ZFHX3: variants seen among roughly 807,000 people sequenced by gnomAD.
The protein encoded by ZFHX3 is zinc finger homeobox 3, also known as zinc finger homeobox protein 3.
In ZFHX3, 42 loss-of-function variants were observed where a neutral mutation model predicts 279.1. The ratio of observed to expected loss-of-function variants is 0.15; its 90% CI spans 0.12 to 0.19. The LOEUF is 0.19. Ranked by LOEUF, ZFHX3 falls within the 10% of genes least tolerant of loss-of-function variation. ZFHX3 has a pLI of 1.00. For missense variants in ZFHX3, 4,981 were observed against 4,754.0 expected, an observed-to-expected ratio of 1.05 and a Z score of -1.40; for synonymous variants, 2,293 against 1,957.8, an observed-to-expected ratio of 1.17 and a Z score of -4.52.
intron 2 of ZFHX3, among the ~76,000 whole-genome samples, chr16:73,520,703 T>G (rs1287272041): frequency 2.6e-5 from 4 of 152,208 alleles, no homozygotes; most frequent in African/African-American, 7.2e-5. Flanking sequence ...ATAAACCAAG[T>G]CACCTATGGT....
chr16:73,693,563 G>A (rs1428264447), intron 1 of ZFHX3, among the ~76,000 whole-genome samples: 1 of 151,916 alleles, frequency 6.6e-6, no homozygotes, highest in African/African-American at 2.4e-5. Context: ...CTTTCATGAA[G>A]GATAAGAGGA....
At chr16:73,739,009 C>G (rs2053631558) in intron 1 of ZFHX3, among the ~76,000 whole-genome samples, 1 of 152,172 alleles carries the variant, frequency 6.6e-6, no homozygotes, top group African/African-American at 2.4e-5. Flanking sequence ...ATCCATAACC[C>G]CTAGGCACCA....
At chr16:73,617,089 G>A (rs912833451) in intron 2 of ZFHX3, among the ~76,000 whole-genome samples, 1 of 152,200 alleles carries the variant, frequency 6.6e-6, no homozygotes, top group South Asian at 2.1e-4. Flanking sequence ...AGGTGCAGAT[G>A]AGTTCGTAAA....
Position 73,278,566 on chromosome 16 carries a change from G to C in ZFHX3, c.-1193-21430C>G, listed in dbSNP as rs548983160. On this transcript the variant is annotated intron_variant, in intron 4 of 17. Coordinates refer to the ZFHX3 transcript ENST00000641206. ...GAACAAAGCTTCCACACTGTGTAAG[G>C]GGACCTGAGCGAGTAGGAGGTGCTG... 5.9e-5 allele frequency among the ~76,000 whole-genome samples: 9 copies of C among 152,218 alleles called. No homozygotes were observed. The South Asian group carries it at 6.2e-4, about 11-fold the overall frequency.
intron 7 of ZFHX3, among the ~76,000 whole-genome samples, chr16:72,803,083 G>A (rs1276079752): frequency 2.0e-5 from 3 of 152,200 alleles, no homozygotes; most frequent in African/African-American, 4.8e-5. Flanking sequence ...TGTAATCCCA[G>A]CACTTTGGGA....
chr16:73,574,417 T>G (rs1048336812), intron 2 of ZFHX3, among the ~76,000 whole-genome samples: 15 of 152,162 alleles, frequency 9.9e-5, no homozygotes, highest in African/African-American at 3.6e-4. Flanking sequence ...TATACCTTAG[T>G]TTGGAAGCCT....
chr16:73,388,712 C>G (rs9937154), intron 3 of ZFHX3: 79,108 of 152,098 alleles, frequency 0.52, 23,020 homozygotes, highest in Non-Finnish European at 0.68. Flanking sequence ...GGCCCAACTT[C>G]CCTATTAGAA....
chr16:73,541,786 CTTTTTTTTTTTTTTTTT>C (rs546761843), intron 2 of ZFHX3, among the ~76,000 whole-genome samples: 56 of 88,140 alleles, frequency 6.4e-4, no homozygotes, highest in Non-Finnish European at 8.7e-4. Context: ...TGGTGGTTCT[CTTTTTTTTTTTTTTTTT>C]TTTTTTTTTT....
At chr16:73,714,139 G>A (rs2053391749) in intron 1 of ZFHX3, among the ~76,000 whole-genome samples, 1 of 152,112 alleles carries the variant, frequency 6.6e-6, no homozygotes. Context: ...TTAACAACTG[G>A]GAGCATGCTG....
chr16:73,735,836 C>G (rs1177588029), intron 1 of ZFHX3, among the ~76,000 whole-genome samples: 1 of 151,604 alleles, frequency 6.6e-6, no homozygotes. Context: ...TAGTGTTGCC[C>G]ATAGGTGACA....
At chr16:72,942,060 C>T (rs1021942851) in intron 3 of ZFHX3, among the ~76,000 whole-genome samples, 2 of 152,130 alleles carry the variant, frequency 1.3e-5, no homozygotes, top group African/African-American at 4.8e-5. Context: ...TTGCCTTTTC[C>T]TGACTATGTT....
chr16:73,791,335 T>C (rs1004523234), intron 1 of ZFHX3, among the ~76,000 whole-genome samples: 2 of 152,156 alleles, frequency 1.3e-5, no homozygotes, highest in African/African-American at 4.8e-5. Context: ...TCTCAAACGG[T>C]AGTGTGCATC....
intron 7 of ZFHX3, among the ~76,000 whole-genome samples, chr16:73,107,853 G>T (rs1380675274): frequency 6.6e-6 from 1 of 152,200 alleles, no homozygotes; most frequent in East Asian, 1.9e-4. Flanking sequence ...CGTCTCTACA[G>T]AAAATTTTAA....
At chr16:73,000,485 G>C (rs1050836914) in intron 1 of ZFHX3, among the ~76,000 whole-genome samples, 21 of 152,254 alleles carry the variant, frequency 1.4e-4, no homozygotes, top group Admixed American at 8.5e-4. Flanking sequence ...ACCCAATAGA[G>C]TATCCTTTAA....
chr16:73,152,014 G>A (rs1006095160), intron 5 of ZFHX3, among the ~76,000 whole-genome samples: 3 of 149,858 alleles, frequency 2.0e-5, no homozygotes, highest in African/African-American at 4.9e-5. Flanking sequence ...ATCAGTTACT[G>A]AGAAGCCACT....
intron 4 of ZFHX3, among the ~76,000 whole-genome samples, chr16:72,842,958 T>C (rs2037380481): frequency 1.3e-5 from 2 of 152,176 alleles, no homozygotes; most frequent in African/African-American, 4.8e-5. Flanking sequence ...TTTAGCTGGA[T>C]ACAATTAGGA....
At chr16:73,080,090 T>G (rs901028355) in intron 8 of ZFHX3, among the ~76,000 whole-genome samples, 11 of 152,222 alleles carry the variant, frequency 7.2e-5, no homozygotes, top group African/African-American at 2.7e-4. Context: ...CTGTTTCCAG[T>G]TTGACTCTCT....
chr16:73,583,091 C>G (rs2051878533), intron 2 of ZFHX3, among the ~76,000 whole-genome samples: 1 of 152,190 alleles, frequency 6.6e-6, no homozygotes, highest in African/African-American at 2.4e-5. Context: ...GCTTTCCCAG[C>G]TATGGAGACG....
chr16:73,463,938 C>A (rs74469540), intron 2 of ZFHX3, among the ~76,000 whole-genome samples: 62 of 152,254 alleles, frequency 4.1e-4, no homozygotes, highest in African/African-American at 1.2e-3. Flanking sequence ...GGTCAGTGAA[C>A]TTATTTATTA....
Sources: allele counts gnomAD v4.1 joint callset (sites outside exome capture counted in the v4.1 genomes callset), GRCh38; gene constraint gnomAD v4.1.1; transcripts MANE v1.5; gene names NCBI Gene and HGNC (gene_info 2026-07-23, HGNC 2026-07-21).